Variants in RBFOX1 observed in about 807,000 individuals in gnomAD.
RBFOX1 encodes the protein RNA binding protein fox-1 homolog 1.
Under a neutral mutation model 57.7 loss-of-function variants are expected in RBFOX1, and 8 were observed. The observed-to-expected ratio is 0.14, with a 90% CI of 0.08 to 0.25. The LOEUF is 0.25. Among genes scored for constraint, RBFOX1 ranks in the 10% least tolerant of loss-of-function variants. The pLI is 1.00. For synonymous variants in RBFOX1, 326 were observed against 222.4 expected (o/e 1.47, Z -4.15); for missense variants, 611 against 548.5 (o/e 1.11, Z -1.14).
intron 4 of RBFOX1, among the ~76,000 whole-genome samples, chr16:7,156,859 A>C (rs928692078): frequency 6.6e-6 from 1 of 152,286 alleles, no homozygotes; most frequent in Non-Finnish European, 1.5e-5. Context: ...AGATCGATTT[A>C]CTTTTCATAG....
At chr16:6,771,320 A>T (rs150743747) in intron 3 of RBFOX1, among the ~76,000 whole-genome samples, 8 of 152,310 alleles carry the variant, frequency 5.3e-5, no homozygotes, top group African/African-American at 1.4e-4. Context: ...GCAAGCTGAC[A>T]CACTTCTGCT....
At chr16:6,136,096 G>A (rs1026142898) in intron 1 of RBFOX1, among the ~76,000 whole-genome samples, 8 of 152,052 alleles carry the variant, frequency 5.3e-5, no homozygotes, top group African/African-American at 1.9e-4. Flanking sequence ...TGCCTGGCCT[G>A]TTTTGACCTT....
chr16:7,413,937 C>T (rs2098454969), intron 4 of RBFOX1, among the ~76,000 whole-genome samples: 1 of 152,092 alleles, frequency 6.6e-6, no homozygotes, highest in African/African-American at 2.4e-5. Flanking sequence ...TGTAACAGCT[C>T]ATTAGTAATT....
At chr16:6,423,800 A>G (rs2093843087) in intron 2 of RBFOX1, among the ~76,000 whole-genome samples, 1 of 152,098 alleles carries the variant, frequency 6.6e-6, no homozygotes, top group South Asian at 2.1e-4. Context: ...CAGGAAGGCC[A>G]TGGTCCAGAG....
intron 2 of RBFOX1, among the ~76,000 whole-genome samples, chr16:6,586,628 C>G (rs1305357385): frequency 6.6e-6 from 1 of 152,170 alleles, no homozygotes; most frequent in African/African-American, 2.4e-5. Flanking sequence ...ACACACTCTT[C>G]TGTATGCCAT....
chr16:7,561,267 C>G (rs554601240), intron 5 of RBFOX1, among the ~76,000 whole-genome samples: 1 of 152,252 alleles, frequency 6.6e-6, no homozygotes, highest in South Asian at 2.1e-4. Context: ...TACATATTAC[C>G]CCATGGATGC....
At chr16:6,849,928 G>C (rs1002192461) in intron 3 of RBFOX1, among the ~76,000 whole-genome samples, 13 of 152,272 alleles carry the variant, frequency 8.5e-5, no homozygotes, top group African/African-American at 2.4e-4. Flanking sequence ...TGACTAGGAA[G>C]ATGACTTGGA....
At chr16:6,584,836 C>A (rs901104388) in intron 2 of RBFOX1, among the ~76,000 whole-genome samples, 4 of 152,138 alleles carry the variant, frequency 2.6e-5, no homozygotes, top group African/African-American at 9.7e-5. Flanking sequence ...AGCCTCCAGC[C>A]GATGTCTCAT....
chr16:6,160,784 G>A (rs1450268261), intron 1 of RBFOX1, among the ~76,000 whole-genome samples: 1 of 152,014 alleles, frequency 6.6e-6, no homozygotes, highest in Non-Finnish European at 1.5e-5. Context: ...TCCCGTCTTG[G>A]GCCTTTGCAC....
chr16:7,695,649 C>CAAAAAAAA (rs34363093), intron 14 of RBFOX1, among the ~76,000 whole-genome samples: 2 of 98,370 alleles, frequency 2.0e-5, no homozygotes, highest in African/African-American at 4.1e-5. Flanking sequence ...AAGCCTCCAT[C>CAAAAAAAA]AAAAAAAAAA....
chr16:7,617,474 G>T (rs532742224), intron 10 of RBFOX1, among the ~76,000 whole-genome samples: 2 of 152,038 alleles, frequency 1.3e-5, no homozygotes, highest in East Asian at 3.9e-4. Flanking sequence ...AGAGCTCAGC[G>T]GTAATAAAGC....
intron 1 of RBFOX1, among the ~76,000 whole-genome samples, chr16:5,396,325 GTCAGTA>G (rs1358712362): frequency 6.6e-6 from 1 of 152,086 alleles, no homozygotes; most frequent in Non-Finnish European, 1.5e-5. Context: ...ATCAAGATGG[GTCAGTA>G]GGTGGCTGAA....
intron 1 of RBFOX1, among the ~76,000 whole-genome samples, chr16:5,390,698 C>G (rs2066384626): frequency 6.6e-6 from 1 of 152,134 alleles, no homozygotes; most frequent in Non-Finnish European, 1.5e-5. Flanking sequence ...ACCCCTCTAC[C>G]CCATCTCCAG....
At chr16:6,831,335 G>A (rs2092695565) in intron 3 of RBFOX1, among the ~76,000 whole-genome samples, 1 of 152,072 alleles carries the variant, frequency 6.6e-6, no homozygotes, top group Non-Finnish European at 1.5e-5. Context: ...TTTTTCCAAT[G>A]TCTTATTAGA....
Position 6,135,969 on chromosome 16 carries a change from A to G in RBFOX1, c.-127+115977A>G, listed in dbSNP as rs186683701. On this transcript the variant is annotated intron_variant, in intron 1 of 15. Coordinates refer to ENST00000550418, the MANE Select transcript of RBFOX1 (RefSeq NM_018723.4). ...GCCACCATACCCAGCTAATTTTTGT[A>G]TTTTTAGTAGAGATGGGTTTTCACC... Among the ~76,000 whole-genome samples the G allele has an allele frequency of 1.5e-4, 23 of 151,516 alleles. No individual in the cohort carries two copies. In the East Asian group the frequency reaches 4.1e-3, roughly 27 times the overall value.
intron 4 of RBFOX1, among the ~76,000 whole-genome samples, chr16:7,435,660 C>T (rs1268334472): frequency 3.3e-5 from 5 of 152,186 alleles, no homozygotes; most frequent in Non-Finnish European, 5.9e-5. Context: ...GAATTTGGCT[C>T]ACTACCAGGA....
At chr16:6,990,932 T>G (rs8055711) in intron 3 of RBFOX1, among the ~76,000 whole-genome samples, 1 of 151,766 alleles carries the variant, frequency 6.6e-6, no homozygotes, top group African/African-American at 2.4e-5. Flanking sequence ...TTATTGCCAA[T>G]GAGAACCACC....
At chr16:5,438,516 C>G (rs778298797) in intron 1 of RBFOX1, among the ~76,000 whole-genome samples, 4 of 152,170 alleles carry the variant, frequency 2.6e-5, no homozygotes, top group Admixed American at 1.3e-4. Flanking sequence ...CCTGATCTCA[C>G]CAGATATGCC....
At chr16:7,099,243 A>G (rs542984077) in intron 4 of RBFOX1, among the ~76,000 whole-genome samples, 1 of 152,168 alleles carries the variant, frequency 6.6e-6, no homozygotes, top group Non-Finnish European at 1.5e-5. Flanking sequence ...GAGGGAGGGT[A>G]GATACAGGGC....
Sources: allele counts gnomAD v4.1 joint callset (sites outside exome capture counted in the v4.1 genomes callset), GRCh38; gene constraint gnomAD v4.1.1; transcripts MANE v1.5; gene names NCBI Gene and HGNC (gene_info 2026-07-23, HGNC 2026-07-21).